The following SLAMF7 variants were observed in gnomAD, a reference collection of about 807,000 sequenced individuals.
The protein encoded by SLAMF7 is 19A24 protein.
Under a neutral mutation model 34.1 loss-of-function variants are expected in SLAMF7, and 26 were observed. That is an observed-to-expected ratio of 0.76 (90% CI 0.56 to 1.06). SLAMF7 has a LOEUF of 1.06. Ranked by LOEUF, SLAMF7 falls within the 50% of genes least tolerant of loss-of-function variation. The pLI is 0.00. For missense variants in SLAMF7, 399 were observed against 402.5 expected (o/e 0.99, Z 0.07); for synonymous variants, 171 against 156.4 (o/e 1.09, Z -0.70).
chr1:160,753,295 G>T lies in SLAMF7; in HGVS notation c.*118G>T. On this transcript the variant is annotated 3_prime_UTR_variant, in exon 7 of 7. Coordinates refer to ENST00000368043, the MANE Select transcript of SLAMF7 (RefSeq NM_021181.5). ...ACATCAAGGAAGAATGAAGAACGTT[G>T]ACTTTTTTCCAGGATAAATTATCTC... 1 of 857,078 alleles carries T rather than the reference G, an allele frequency of 1.2e-6. No homozygotes were observed. The highest frequency in any genetic ancestry group is 1.6e-5 in the South Asian group (1 of 62,110). The allele number at this position is 857,078 out of a possible 1,614,324, so 53.1% of individuals were successfully genotyped here.
chr1:160,752,763 G>A (rs1024736926), intron 6 of SLAMF7, among the ~76,000 whole-genome samples: 2 of 152,154 alleles, frequency 1.3e-5, no homozygotes, highest in African/African-American at 4.8e-5. Flanking sequence ...AGCAGTAATG[G>A]TATCTTTCTG....
intron 1 of SLAMF7, among the ~76,000 whole-genome samples, chr1:160,740,292 A>AAAC (rs965533111): frequency 4.0e-5 from 6 of 151,588 alleles, no homozygotes; most frequent in African/African-American, 1.5e-4. Flanking sequence ...TTAAAAAAAA[A>AAAC]AAACAAAAAA....
At chr1:160,752,919 T>C (rs920171854) in intron 6 of SLAMF7, among the ~76,000 whole-genome samples, 187 bp from the exon 7 acceptor site, 1 of 152,166 alleles carries the variant, frequency 6.6e-6, no homozygotes, top group Non-Finnish European at 1.5e-5. Flanking sequence ...AAGATAAATA[T>C]GCGTTAAACT....
intron 1 of SLAMF7, among the ~76,000 whole-genome samples, chr1:160,744,472 G>A (rs1359734216): frequency 6.6e-6 from 1 of 152,166 alleles, no homozygotes; most frequent in Non-Finnish European, 1.5e-5. Flanking sequence ...AATTTGCCCT[G>A]TCTCACTCTC....
At position 160,750,307 on chromosome 1, in the gene SLAMF7, C is replaced by T. The variant is rs143477393; in HGVS notation, c.653C>T (p.Ala218Val). 1.4e-5 allele frequency: 23 copies of T among 1,613,782 alleles called. No homozygotes were observed. Among genetic ancestry groups the T allele is most frequent in the South Asian group, 2.2e-5 (2 of 91,052 alleles). Residue 218 changes from alanine (A) to valine (V), a missense_variant, in exon 4 of 7, where the codon GCT becomes GTT. Coordinates refer to ENST00000368043, the MANE Select transcript of SLAMF7 (RefSeq NM_021181.5). Reference sequence around the variant, plus strand: ...TGCCTCCACCCATTCTCTGAAGGTGCTGCTGATGACCCAGATTCCTCCATG... The same window carrying T: ...TGCCTCCACCCATTCTCTGAAGGTGTTGCTGATGACCCAGATTCCTCCATG... Reference protein sequence around the residue: ...PILARKLCEGAADDPDSSMVL... With the variant: ...PILARKLCEGVADDPDSSMVL...
At chr1:160,747,363 T>G (rs888981739) in intron 1 of SLAMF7, among the ~76,000 whole-genome samples, 1 of 152,162 alleles carries the variant, frequency 6.6e-6, no homozygotes, top group African/African-American at 2.4e-5. Context: ...ATATAAAGAA[T>G]GTTTCTTCAA....
At chr1:160,745,058 T>G (rs556406516) in intron 1 of SLAMF7, among the ~76,000 whole-genome samples, 2 of 152,180 alleles carry the variant, frequency 1.3e-5, no homozygotes, top group Non-Finnish European at 2.9e-5. Context: ...ATGTACCAAC[T>G]GATACATTTT....
At chr1:160,742,867 A>G (rs1663854180) in intron 1 of SLAMF7, among the ~76,000 whole-genome samples, 1 of 152,244 alleles carries the variant, frequency 6.6e-6, no homozygotes, top group South Asian at 2.1e-4. Context: ...TCTAAGGATC[A>G]GGAGAGAGGA....
chr1:160,753,106 A>T lies in SLAMF7; in HGVS notation c.937A>T (p.Met313Leu). 1.2e-6 allele frequency: 2 copies of T among 1,613,718 alleles called. No homozygotes were observed. Among genetic ancestry groups the T allele is most frequent in the Non-Finnish European group, 1.7e-6 (2 of 1,179,906 alleles). Residue 313 changes from methionine (M) to leucine (L), a missense_variant and splice_region_variant, in exon 7 of 7, where the codon ATG becomes TTG. Physicochemically the swap from Met to Leu is conservative, Grantham distance 15. Transcript: ENST00000368043. ...CTACTTTCTTTTTGTCTGTCTTCAG[A>T]TGGAAAATCCCCACTCACTGCTCAC... is the stretch of plus-strand genomic sequence containing the variant. Reference protein sequence around the residue: ...VYSTVEIPKKMENPHSLLTMP... With the variant: ...VYSTVEIPKKLENPHSLLTMP...
chr1:160,749,491 T>C (rs1313941506), intron 2 of SLAMF7, among the ~76,000 whole-genome samples: 1 of 152,250 alleles, frequency 6.6e-6, no homozygotes, highest in East Asian at 1.9e-4. Flanking sequence ...CTAGGGAACC[T>C]CTAGAACAGA....
intron 1 of SLAMF7, among the ~76,000 whole-genome samples, chr1:160,741,740 C>T (rs1040765685): frequency 1.8e-4 from 27 of 152,200 alleles, no homozygotes; most frequent in Admixed American, 3.3e-4. Flanking sequence ...TGAGGCACTG[C>T]CACAGCCTCC....
chr1:160,742,131 C>T (rs1028355380), intron 1 of SLAMF7, among the ~76,000 whole-genome samples: 2 of 152,124 alleles, frequency 1.3e-5, no homozygotes, highest in Admixed American at 6.5e-5. Flanking sequence ...CATAATCGGG[C>T]TCCTTCCCTC....
chr1:160,747,084 G>C (rs1018689473), intron 1 of SLAMF7, among the ~76,000 whole-genome samples: 1 of 152,018 alleles, frequency 6.6e-6, no homozygotes, highest in South Asian at 2.1e-4. Flanking sequence ...TTGACTGTAG[G>C]GTCACCAGAG....
chr1:160,753,132 G>A lies in SLAMF7; in HGVS notation c.963G>A (p.Thr321=), dbSNP rs1014671313. The change falls in exon 7 of 7, where the codon ACG becomes ACA. Residue 321 remains threonine (T), a synonymous_variant. Coordinates refer to ENST00000368043, the MANE Select transcript of SLAMF7 (RefSeq NM_021181.5). ...TGGAAAATCCCCACTCACTGCTCACGATGCCAGACACACCAAGGCTATTTG... is the reference window on the plus strand; with the variant it reads ...TGGAAAATCCCCACTCACTGCTCACAATGCCAGACACACCAAGGCTATTTG... ...KKMENPHSLL[T]MPDTPRLFAY... is the part of the protein sequence containing the mutation. The A allele has an allele frequency of 2.2e-5, 36 of 1,613,168 alleles. No individual in the cohort carries two copies. The highest frequency in any genetic ancestry group is 1.1e-4 in the African/African-American group (8 of 74,740).
At chr1:160,751,148 G>A in intron 4 of SLAMF7, 197 bp from the exon 5 acceptor site, 1 of 560,232 alleles carries the variant, frequency 1.8e-6, no homozygotes, top group South Asian at 2.1e-5. Flanking sequence ...GAAATGTTGG[G>A]GGTGGCCAAT....
intron 1 of SLAMF7, among the ~76,000 whole-genome samples, chr1:160,743,550 G>A (rs1242815155): frequency 6.6e-6 from 1 of 152,242 alleles, no homozygotes; most frequent in Non-Finnish European, 1.5e-5. Flanking sequence ...CATTTGGCTT[G>A]TACGGAATGA....
chr1:160,751,858 CTCTCTATATATATATATATATATATATAT>C (rs1664641790), intron 5 of SLAMF7: 1 of 36,468 alleles, frequency 2.7e-5, no homozygotes, highest in Non-Finnish European at 4.9e-5. Context: ...CTCTCTCTCT[CTCTCTATATATATATATATATATATATAT>C]ATATATATAT....
chr1:160,743,507 G>T (rs1158437213), intron 1 of SLAMF7, among the ~76,000 whole-genome samples: 1 of 152,206 alleles, frequency 6.6e-6, no homozygotes, highest in Non-Finnish European at 1.5e-5. Flanking sequence ...CTGTACATGA[G>T]AAGGGCTACC....
In SLAMF7 at chr1:160,748,456, G is replaced by A. The variant is rs1327660117; in HGVS notation, c.318G>A (p.Gly106=). Residue 106 remains glycine, a synonymous_variant, in exon 2 of 7, where the codon GGG becomes GGA. Transcript: ENST00000368043. ...KKNDSGIYYV[G]IYSSSLQQPS... The stretch of plus-strand genomic sequence containing the variant: ...ATGACTCAGGGATCTACTATGTGGG[G>A]ATATACAGCTCATCACTCCAGCAGC... 6.2e-7 allele frequency: 1 copy of A among 1,614,068 alleles called. No individual in the cohort carries two copies. The highest frequency in any genetic ancestry group is 1.1e-5 in the South Asian group (1 of 91,076).
Sources: allele counts gnomAD v4.1 joint callset (sites outside exome capture counted in the v4.1 genomes callset), GRCh38; gene constraint gnomAD v4.1.1; transcripts MANE v1.5; gene names NCBI Gene and HGNC (gene_info 2026-07-23, HGNC 2026-07-21).